The following NALF1 variants were observed in gnomAD, a reference collection of about 807,000 sequenced individuals.
NALF1 encodes the protein family with sequence similarity 155 member A.
A neutral mutation model predicts 48.4 loss-of-function variants in NALF1; 3 were observed. The ratio of observed to expected loss-of-function variants is 0.06; its 90% CI spans 0.03 to 0.16. The LOEUF is 0.16. Ranked by LOEUF, NALF1 falls within the 10% of genes least tolerant of loss-of-function variation. The probability of loss-of-function intolerance (pLI) is 1.00; values close to 1 mark genes in which losing one functional copy is unlikely to be tolerated. For synonymous variants in NALF1, 262 were observed against 245.7 expected (o/e 1.07, Z -0.62); for missense variants, 526 against 571.5 (o/e 0.92, Z 0.81).
chr13:107,616,993 T>C (rs1273402359), intron 1 of NALF1, among the ~76,000 whole-genome samples: 1 of 152,218 alleles, frequency 6.6e-6, no homozygotes, highest in East Asian at 1.9e-4. Flanking sequence ...AAAGAATTAT[T>C]TTCAATACAA....
At chr13:107,207,875 A>G (rs1412939271) in intron 2 of NALF1, among the ~76,000 whole-genome samples, 1 of 151,828 alleles carries the variant, frequency 6.6e-6, no homozygotes, top group Non-Finnish European at 1.5e-5. Flanking sequence ...CTGTCCTCAA[A>G]CCCCTGGCTT....
chr13:107,376,362 T>G (rs1883339032), intron 1 of NALF1, among the ~76,000 whole-genome samples: 1 of 152,192 alleles, frequency 6.6e-6, no homozygotes, highest in Admixed American at 6.5e-5. Context: ...ACACGTTTCC[T>G]CCTCCACATT....
At chr13:107,680,873 G>GT (rs1566441760) in intron 1 of NALF1, among the ~76,000 whole-genome samples, 3 of 147,826 alleles carry the variant, frequency 2.0e-5, no homozygotes, top group African/African-American at 5.1e-5. Flanking sequence ...CAAATGTAAG[G>GT]GTGTGTGTGT....
At chr13:107,629,789 T>C (rs1879783327) in intron 1 of NALF1, among the ~76,000 whole-genome samples, 5 of 152,202 alleles carry the variant, frequency 3.3e-5, no homozygotes, top group Admixed American at 3.3e-4. Flanking sequence ...CTCTTAAATA[T>C]ATTACTTGAG....
At chr13:107,726,084 A>C (rs753259876) in intron 1 of NALF1, among the ~76,000 whole-genome samples, 4 of 152,022 alleles carry the variant, frequency 2.6e-5, no homozygotes, top group Non-Finnish European at 5.9e-5. Flanking sequence ...CCTATGACCT[A>C]TTTCTCTGTC....
At chr13:107,534,277 C>T (rs1051381372) in intron 1 of NALF1, among the ~76,000 whole-genome samples, 7 of 151,950 alleles carry the variant, frequency 4.6e-5, no homozygotes, top group Non-Finnish European at 8.8e-5. Context: ...GAATTTTTGC[C>T]TCATCTTCCA....
chr13:107,211,245 T>C (rs1194529372), intron 1 of NALF1, among the ~76,000 whole-genome samples: 1 of 152,198 alleles, frequency 6.6e-6, no homozygotes, highest in Admixed American at 6.5e-5. Context: ...AACTGCTGTT[T>C]AGATCTTGGA....
chr13:107,534,381 T>TA (rs1161647719), intron 1 of NALF1, among the ~76,000 whole-genome samples: 2 of 152,046 alleles, frequency 1.3e-5, no homozygotes, highest in African/African-American at 2.4e-5. Flanking sequence ...GTAATTCAGT[T>TA]AAAAAAAGAA....
At chr13:107,271,797 TATATATATATATA>T (rs1272907042) in intron 1 of NALF1, among the ~76,000 whole-genome samples, 12,273 of 134,346 alleles carry the variant, frequency 0.091, 902 homozygotes, top group Non-Finnish European at 0.13. Context: ...TATATATATA[TATATATATATATA>T]TATATATTTA....
chr13:107,861,641 A>T (rs906331801), intron 1 of NALF1, among the ~76,000 whole-genome samples: 4 of 152,144 alleles, frequency 2.6e-5, no homozygotes, highest in African/African-American at 9.7e-5. Context: ...AAAATTAGCT[A>T]GGCGTGGTGG....
At chr13:107,620,576 A>C (rs1201439094) in intron 1 of NALF1, among the ~76,000 whole-genome samples, 1 of 152,122 alleles carries the variant, frequency 6.6e-6, no homozygotes, top group African/African-American at 2.4e-5. Flanking sequence ...TTGCACCAAA[A>C]TGACTTGGTC....
At chr13:107,755,399 GC>G (rs1191963640) in intron 1 of NALF1, among the ~76,000 whole-genome samples, 2 of 151,698 alleles carry the variant, frequency 1.3e-5, no homozygotes, top group East Asian at 1.9e-4. Flanking sequence ...CATTTCAAAT[GC>G]TTTTGCTTGT....
At chr13:107,350,199 C>A (rs1331700891) in intron 1 of NALF1, among the ~76,000 whole-genome samples, 1 of 152,112 alleles carries the variant, frequency 6.6e-6, no homozygotes, top group Non-Finnish European at 1.5e-5. Flanking sequence ...GTTGGGGACC[C>A]CTGCTGTATT....
chr13:107,460,650 C>A (rs1354283905), intron 1 of NALF1, among the ~76,000 whole-genome samples: 4 of 152,152 alleles, frequency 2.6e-5, no homozygotes, highest in African/African-American at 9.7e-5. Flanking sequence ...GTGCATATTA[C>A]AGGTCTAGAA....
chr13:107,194,384 C>T (rs1188112471), intron 2 of NALF1, among the ~76,000 whole-genome samples: 1 of 152,088 alleles, frequency 6.6e-6, no homozygotes, highest in Non-Finnish European at 1.5e-5. Flanking sequence ...GCATGTAGAT[C>T]AGCAAACAGA....
intron 1 of NALF1, among the ~76,000 whole-genome samples, chr13:107,522,050 T>G (rs961613805): frequency 1.3e-5 from 2 of 151,984 alleles, no homozygotes; most frequent in Non-Finnish European, 2.9e-5. Flanking sequence ...CCAGGTTGCA[T>G]GTAAAAAAGG....
chr13:107,663,205 A>G (rs1010495647), intron 1 of NALF1, among the ~76,000 whole-genome samples: 3 of 152,218 alleles, frequency 2.0e-5, no homozygotes, highest in African/African-American at 7.2e-5. Context: ...AGAATGTTCA[A>G]CTGTGTTTGA....
chr13:107,729,878 G>A (rs1160925803), intron 1 of NALF1, among the ~76,000 whole-genome samples: 1 of 152,116 alleles, frequency 6.6e-6, no homozygotes, highest in African/African-American at 2.4e-5. Flanking sequence ...TTTATTAGAT[G>A]GACCTTGATA....
chr13:107,371,971 G>A (rs1047172973), intron 1 of NALF1, among the ~76,000 whole-genome samples: 6 of 152,056 alleles, frequency 3.9e-5, no homozygotes, highest in African/African-American at 9.7e-5. Context: ...GAGTAAGAAG[G>A]CTGCTCAGAT....
Sources: allele counts gnomAD v4.1 joint callset (sites outside exome capture counted in the v4.1 genomes callset), GRCh38; gene constraint gnomAD v4.1.1; transcripts MANE v1.5; gene names NCBI Gene and HGNC (gene_info 2026-07-23, HGNC 2026-07-21).